Variants in C8orf34 observed in about 807,000 individuals in gnomAD.
C8orf34 encodes the protein chromosome 8 open reading frame 34.
In C8orf34, 65 loss-of-function variants were observed where a neutral mutation model predicts 68.3. The observed-to-expected ratio is 0.95, with a 90% CI of 0.78 to 1.17. The LOEUF (loss-of-function observed/expected upper bound fraction) is 1.17. Ranked by LOEUF, C8orf34 falls within the 50% of genes most tolerant of loss-of-function variation. The pLI is 0.00. For synonymous variants in C8orf34, 244 were observed against 241.2 expected (o/e 1.01, Z -0.11); for missense variants, 664 against 655.4 (o/e 1.01, Z -0.14).
At chr8:68,490,669 T>C (rs1449104264) in intron 5 of C8orf34, among the ~76,000 whole-genome samples, 1 of 152,132 alleles carries the variant, frequency 6.6e-6, no homozygotes, top group African/African-American at 2.4e-5. Flanking sequence ...TGCCAAAAGT[T>C]GTCATAAATA....
intron 1 of C8orf34, among the ~76,000 whole-genome samples, chr8:68,379,434 A>G (rs1265383676): frequency 6.6e-6 from 1 of 152,236 alleles, no homozygotes; most frequent in Non-Finnish European, 1.5e-5. Flanking sequence ...ACATTAACCA[A>G]GCATGAAGTT....
At chr8:68,448,385 T>C (rs115062739) in intron 3 of C8orf34, among the ~76,000 whole-genome samples, 1 of 152,144 alleles carries the variant, frequency 6.6e-6, no homozygotes, top group African/African-American at 2.4e-5. Flanking sequence ...TTAATATATA[T>C]GACAATAAGA....
At chr8:68,339,828 G>C (rs1805998111) in intron 1 of C8orf34, among the ~76,000 whole-genome samples, 1 of 151,714 alleles carries the variant, frequency 6.6e-6, no homozygotes, top group South Asian at 2.1e-4. Flanking sequence ...TCTTCAAAAG[G>C]CAATTGTTAA....
At chr8:68,763,805 A>G (rs1823092064) in intron 10 of C8orf34, among the ~76,000 whole-genome samples, 1 of 152,214 alleles carries the variant, frequency 6.6e-6, no homozygotes, top group Non-Finnish European at 1.5e-5. Flanking sequence ...CAAGCCCTGC[A>G]CTAAGTGCTA....
At chr8:68,475,321 G>T (rs73264453) in intron 4 of C8orf34, among the ~76,000 whole-genome samples, 5,443 of 152,220 alleles carry the variant, frequency 0.036, 343 homozygotes, top group African/African-American at 0.12. Flanking sequence ...ACACTTATAT[G>T]CTATGATCTG....
At chr8:68,492,503 A>G (rs964175149) in intron 5 of C8orf34, among the ~76,000 whole-genome samples, 3 of 151,980 alleles carry the variant, frequency 2.0e-5, no homozygotes, top group Admixed American at 6.6e-5. Context: ...GATTTTGTGC[A>G]TGAGCCACCA....
At chr8:68,373,640 A>G (rs117172630) in intron 1 of C8orf34, among the ~76,000 whole-genome samples, 4,204 of 152,296 alleles carry the variant, frequency 0.028, 78 homozygotes, top group Middle Eastern at 0.058. Flanking sequence ...CTTAATGGTA[A>G]AATTTATTTC....
chr8:68,352,627 C>T (rs1348492377), intron 1 of C8orf34, among the ~76,000 whole-genome samples: 2 of 152,146 alleles, frequency 1.3e-5, no homozygotes, highest in South Asian at 2.1e-4. Context: ...ACCCTTCCTA[C>T]AATTTTTTAT....
intron 10 of C8orf34, among the ~76,000 whole-genome samples, chr8:68,727,003 A>G (rs1402151352): frequency 6.6e-6 from 1 of 152,146 alleles, no homozygotes; most frequent in Non-Finnish European, 1.5e-5. Context: ...ACACCTTCCC[A>G]GCAGTGCCCC....
chr8:68,818,162 C>T, intron 13 of C8orf34, 77 bp from the exon 14 acceptor site: 7 of 1,470,282 alleles, frequency 4.8e-6, no homozygotes, highest in Non-Finnish European at 6.6e-6. Context: ...ATTAAAATCA[C>T]AATTTTTCTT....
At chr8:68,722,503 G>A (rs538250488) in intron 10 of C8orf34, among the ~76,000 whole-genome samples, 3 of 152,132 alleles carry the variant, frequency 2.0e-5, no homozygotes, top group African/African-American at 4.8e-5. Flanking sequence ...GTTTTCCAAT[G>A]AACTTCATAA....
chr8:68,788,852 C>T (rs1823915567), intron 12 of C8orf34, among the ~76,000 whole-genome samples: 1 of 150,378 alleles, frequency 6.6e-6, no homozygotes, highest in African/African-American at 2.5e-5. Context: ...AGCGAGACTC[C>T]GTCTAAAAAA....
chr8:68,768,146 C>A (rs1445638139), intron 10 of C8orf34, among the ~76,000 whole-genome samples: 1 of 152,172 alleles, frequency 6.6e-6, no homozygotes, highest in East Asian at 1.9e-4. Context: ...CATTGCTAAG[C>A]TCAAATTGTC....
At position 68,744,702 on chromosome 8, in the gene C8orf34, C is replaced by T. The variant is rs375227647; in HGVS notation, c.1404+23265C>T. Among the ~76,000 whole-genome samples the T allele has an allele frequency of 1.5e-3, 231 of 152,106 alleles. 1 individual carries two copies. Among genetic ancestry groups the T allele is most frequent in the Non-Finnish European group, 2.6e-3 (174 of 67,962 alleles). ...TTAGAGAAAAAAGAATAAAAAGAAA[C>T]GAGCAAAGCCTCCAAGAAATATGGG... On this transcript the variant is annotated intron_variant, in intron 10 of 13. Transcript: ENST00000518698.
chr8:68,581,774 G>A (rs112871877), intron 7 of C8orf34, among the ~76,000 whole-genome samples: 5 of 152,064 alleles, frequency 3.3e-5, no homozygotes, highest in South Asian at 2.1e-4. Context: ...CAGGCTGTCC[G>A]GCATTTCTGT....
chr8:68,502,545 G>A (rs1056137889), intron 5 of C8orf34, among the ~76,000 whole-genome samples: 7 of 152,102 alleles, frequency 4.6e-5, no homozygotes, highest in East Asian at 3.9e-4. Context: ...AAAAGCCATC[G>A]TTAGTCATTT....
chr8:68,537,699 C>G (rs1815537000), intron 7 of C8orf34, among the ~76,000 whole-genome samples: 1 of 151,872 alleles, frequency 6.6e-6, no homozygotes, highest in Non-Finnish European at 1.5e-5. Context: ...TCTTTCTTTG[C>G]TTTTGCTAAA....
At chr8:68,815,393 C>CAT (rs1398974470) in intron 12 of C8orf34, among the ~76,000 whole-genome samples, 3 of 152,052 alleles carry the variant, frequency 2.0e-5, no homozygotes, top group Middle Eastern at 3.2e-3. Flanking sequence ...CAGACACACA[C>CAT]ATATATATAC....
rs561399565 is a variant in C8orf34 at position 68,461,882 on chromosome 8, A to G, written c.608-6810A>G. ...TCAAGGCTAGGAAGAAACTGCATCA[A>G]CTAACGAGCAAAATAACAGCTAACA... On this transcript the variant is annotated intron_variant, in intron 3 of 13. Transcript: ENST00000518698. 1.8e-4 allele frequency among the ~76,000 whole-genome samples: 28 copies of G among 152,318 alleles called. 1 individual carries two copies. In the East Asian group the frequency reaches 5.4e-3, roughly 29 times the overall value.
Sources: gnomAD v4.1 joint callset for allele counts (sites outside exome capture counted in the v4.1 genomes callset) on GRCh38, gnomAD v4.1.1 for gene constraint, MANE v1.5 for transcripts, NCBI Gene and HGNC (gene_info 2026-07-23, HGNC 2026-07-21) for gene names.